The following DCT variants were observed in gnomAD, a reference collection of about 807,000 sequenced individuals.
DCT encodes L-dopachrome tautomerase.
Under a neutral mutation model 53.0 loss-of-function variants are expected in DCT, and 47 were observed. The observed-to-expected ratio is 0.89, with a 90% CI of 0.70 to 1.13. The LOEUF is 1.13. Ranked by LOEUF, DCT falls within the 50% of genes most tolerant of loss-of-function variation. The pLI, the probability that DCT is intolerant of heterozygous loss-of-function variation, is 0.00. For missense variants in DCT, 669 were observed against 637.4 expected (o/e 1.05, Z -0.53); for synonymous variants, 244 against 237.0 (o/e 1.03, Z -0.27).
chr13:94,503,751 A>G, the DCT span, among the ~76,000 whole-genome samples: 1 of 152,200 alleles, frequency 6.6e-6, no homozygotes, highest in African/African-American at 2.4e-5. Flanking sequence ...TGGCCTCCAC[A>G]ACGGTGAGAG....
Position 94,438,587 on chromosome 13 carries a change from C to T in DCT, c.*1311G>A, listed in dbSNP as rs79616749. 3 of 455,834 alleles carry T rather than the reference C, an allele frequency of 6.6e-6. No individual in the cohort carries two copies. The highest frequency in any genetic ancestry group is 1.3e-5 in the Non-Finnish European group (3 of 226,776). 28.2% of individuals were successfully genotyped at this position (455,834 alleles called of 1,614,324 possible). A position where few individuals can be genotyped will look rare whatever the true frequency, so the allele number is the denominator to read the frequency against. ...TCGACAGACAAGCCACGCCCTAGAA[C>T]TTCAGTCTCACTCCTGATGCACAGA... On this transcript the variant is annotated 3_prime_UTR_variant, in exon 8 of 8. Transcript: ENST00000377028.
intron 7 of DCT, among the ~76,000 whole-genome samples, chr13:94,441,177 G>A (rs1193767144): frequency 1.3e-5 from 2 of 152,092 alleles, no homozygotes; most frequent in Non-Finnish European, 2.9e-5. Context: ...ATTCCTCCAA[G>A]AGGGTTTTGA....
the DCT span, among the ~76,000 whole-genome samples, chr13:94,520,683 C>A: frequency 6.6e-6 from 1 of 152,132 alleles, no homozygotes; most frequent in Non-Finnish European, 1.5e-5. Flanking sequence ...TGGTCAGAAG[C>A]TCTGGCTTTC....
the DCT span, among the ~76,000 whole-genome samples, chr13:94,540,620 C>T: frequency 6.6e-6 from 1 of 152,142 alleles, no homozygotes; most frequent in Non-Finnish European, 1.5e-5. Flanking sequence ...TATCTCACCC[C>T]AGTTAAAATG....
At chr13:94,494,064 T>C in the DCT span, among the ~76,000 whole-genome samples, 1 of 152,186 alleles carries the variant, frequency 6.6e-6, no homozygotes, top group Non-Finnish European at 1.5e-5. Context: ...AATTAGGAGA[T>C]TCCACCTAAA....
rs368402070 is a variant in DCT, at chr13:94,465,616, G to A, written c.863+17C>T. The A allele has an allele frequency of 3.7e-5, 59 of 1,609,480 alleles. No homozygotes were observed. The highest frequency in any genetic ancestry group is 1.7e-5 in the Admixed American group (1 of 59,540). Reference sequence around the variant, plus strand: ...AAGACAATCTCTGGATGCCATTGCAGGTACAGGAGCCATTACCTATCACAG... The same window carrying A: ...AAGACAATCTCTGGATGCCATTGCAAGTACAGGAGCCATTACCTATCACAG... On this transcript the variant is annotated intron_variant, in intron 4 of 7. Transcript: ENST00000377028.
the DCT span, among the ~76,000 whole-genome samples, chr13:94,525,426 G>A: frequency 0.085 from 12,932 of 152,078 alleles, 1,241 homozygotes; most frequent in African/African-American, 0.24. Flanking sequence ...CTGATGTTTA[G>A]GCCACTCGGT....
chr13:94,516,378 T>C, the DCT span, among the ~76,000 whole-genome samples: 1 of 152,156 alleles, frequency 6.6e-6, no homozygotes, highest in Non-Finnish European at 1.5e-5. Context: ...GAAATACATC[T>C]GGTGAAAGTC....
At chr13:94,483,080 C>T (rs1885515067), upstream of DCT, among the ~76,000 whole-genome samples, 1 of 151,822 alleles carries the variant, frequency 6.6e-6, no homozygotes, top group South Asian at 2.1e-4. Context: ...CTGAGATCAG[C>T]CTGGGCAACA....
At chr13:94,541,152 GGA>G in the DCT span, among the ~76,000 whole-genome samples, 1 of 152,046 alleles carries the variant, frequency 6.6e-6, no homozygotes, top group Non-Finnish European at 1.5e-5. Context: ...GTGGGGAGGT[GGA>G]GATAAAGAGG....
chr13:94,438,573 G>A lies in DCT; in HGVS notation c.*1325C>T. The A allele has an allele frequency of 2.2e-6, 1 of 455,812 alleles. No homozygotes were observed. Among genetic ancestry groups the A allele is most frequent in the Non-Finnish European group, 4.4e-6 (1 of 226,744 alleles). The allele number at this position is 455,812 out of a possible 1,614,324, so 28.2% of individuals were successfully genotyped here. On this transcript the variant is annotated 3_prime_UTR_variant, in exon 8 of 8. Transcript: ENST00000377028. ...AGTAGAGAGGGGCCTCGACAGACAA[G>A]CCACGCCCTAGAACTTCAGTCTCAC...
the DCT span, among the ~76,000 whole-genome samples, chr13:94,516,133 T>C: frequency 0.083 from 11,817 of 142,160 alleles, 1,040 homozygotes; most frequent in African/African-American, 0.22. Flanking sequence ...CTCAGCCTCA[T>C]GTTCTCTAGC....
the DCT span, among the ~76,000 whole-genome samples, chr13:94,546,650 G>A: frequency 1.3e-5 from 2 of 152,172 alleles, no homozygotes; most frequent in South Asian, 2.1e-4. The surrounding 1 kb of genome is among the most constrained non-coding windows in gnomAD (Gnocchi z 4.2). Context: ...ACAGGTGGTG[G>A]GCAAGTGGTT....
At chr13:94,449,505 A>G (rs541586065) in intron 6 of DCT, among the ~76,000 whole-genome samples, 1 of 152,310 alleles carries the variant, frequency 6.6e-6, no homozygotes, top group African/African-American at 2.4e-5. Context: ...ACTGGATCCT[A>G]TTGTGGTGAC....
rs752458255 is a variant in DCT at position 94,468,814 on chromosome 13, A to C, written c.527T>G (p.Phe176Cys). The change falls in exon 2 of 8, where the codon TTT (phenylalanine) becomes TGT (cysteine). Residue 176 changes from phenylalanine (F) to cysteine (C), a missense_variant. Physicochemically the swap from Phe to Cys is radical, Grantham distance 205. Coordinates refer to ENST00000377028, the MANE Select transcript of DCT (RefSeq NM_001922.5). ...AAAATCATAAACACTGCAGTTGGCAAACTGCGGCTGGGTTCCATTGGGCCC... is the reference window on the plus strand; with the variant it reads ...AAAATCATAAACACTGCAGTTGGCACACTGCGGCTGGGTTCCATTGGGCCC... Reference protein sequence around the residue: ...LLGPNGTQPQFANCSVYDFFV... With the variant: ...LLGPNGTQPQCANCSVYDFFV... 6.2e-7 allele frequency: 1 copy of C among 1,614,236 alleles called. No homozygotes were observed. Among genetic ancestry groups the C allele is most frequent in the Admixed American group, 1.7e-5 (1 of 60,032 alleles).
the DCT span, among the ~76,000 whole-genome samples, chr13:94,545,185 G>C: frequency 6.6e-6 from 1 of 152,046 alleles, no homozygotes; most frequent in Non-Finnish European, 1.5e-5. Flanking sequence ...CGCTTCAGAT[G>C]ATGATGATAA....
chr13:94,472,382 A>T (rs1191806218), intron 1 of DCT, among the ~76,000 whole-genome samples: 1 of 151,546 alleles, frequency 6.6e-6, no homozygotes, highest in East Asian at 1.9e-4. Flanking sequence ...AAACTGCTCT[A>T]AAGTCTATTA....
At position 94,468,777 on chromosome 13, in the gene DCT, G is replaced by A; in HGVS notation, c.564C>T (p.Leu188=). The A allele has an allele frequency of 6.2e-7, 1 of 1,614,058 alleles. No individual in the cohort carries two copies. Among genetic ancestry groups the A allele is most frequent in the South Asian group, 1.1e-5 (1 of 91,068 alleles). ...NCSVYDFFVW[L]HYYSVRDTLL... ...ATGTATCTCTAACAGAATAATAATG[G>A]AGCCACACAAAAAAATCATAAACAC... The change falls in exon 2 of 8, where the codon CTC becomes CTT. Residue 188 remains leucine, a synonymous_variant. Coordinates refer to ENST00000377028, the MANE Select transcript of DCT (RefSeq NM_001922.5).
intron 1 of DCT, among the ~76,000 whole-genome samples, chr13:94,474,407 G>A (rs1193821852): frequency 1.3e-5 from 2 of 152,146 alleles, no homozygotes; most frequent in African/African-American, 4.8e-5. Context: ...TTTAATTAGA[G>A]ATTCTATTAT....
Sources: gnomAD v4.1 joint callset for allele counts (sites outside exome capture counted in the v4.1 genomes callset) on GRCh38, gnomAD v4.1.1 for gene constraint, Gnocchi (gnomAD v3.1) non-coding constraint, MANE v1.5 for transcripts, NCBI Gene and HGNC (gene_info 2026-07-23, HGNC 2026-07-21) for gene names.